RRM2: variants seen among roughly 807,000 people sequenced by gnomAD.
The protein encoded by RRM2 is ribonucleoside-diphosphate reductase subunit M2.
RRM2 carries 6 observed loss-of-function variants against 45.9 expected under a neutral mutation model. That is an observed-to-expected ratio of 0.13 (90% CI 0.07 to 0.26). The LOEUF is 0.26. Ranked by LOEUF, RRM2 falls within the 10% of genes least tolerant of loss-of-function variation. RRM2 has a pLI of 1.00. For synonymous variants in RRM2, 177 were observed against 173.0 expected, an observed-to-expected ratio of 1.02 and a Z score of -0.18; for missense variants, 343 against 489.5, an observed-to-expected ratio of 0.70 and a Z score of 2.82.
intron 3 of RRM2, among the ~76,000 whole-genome samples, chr2:10,152,083 G>C (rs1663322031): frequency 6.6e-6 from 1 of 151,990 alleles, no homozygotes; most frequent in South Asian, 2.1e-4. Context: ...CGAGTAGCTG[G>C]GACTACAGGC....
intron 3 of RRM2, among the ~76,000 whole-genome samples, chr2:10,193,767 G>A (rs1308710809): frequency 6.6e-6 from 1 of 152,230 alleles, no homozygotes; most frequent in African/African-American, 2.4e-5. Context: ...TCCCAGCAGA[G>A]CCGCAGCAGC....
chr2:10,174,555 G>C (rs957638796), intron 3 of RRM2, among the ~76,000 whole-genome samples: 1 of 141,172 alleles, frequency 7.1e-6, no homozygotes, highest in African/African-American at 2.7e-5. Context: ...AATGACTGTA[G>C]ACTACTGAAT....
At chr2:10,135,498 G>T (rs1662973192), downstream of RRM2, among the ~76,000 whole-genome samples, 1 of 152,124 alleles carries the variant, frequency 6.6e-6, no homozygotes, top group South Asian at 2.1e-4. Context: ...GAGGGGAGGG[G>T]CATGCGTGCG....
intron 3 of RRM2, chr2:10,142,475 GCC>G: frequency 8.3e-7 from 1 of 1,202,868 alleles, no homozygotes; most frequent in Non-Finnish European, 1.1e-6. Context: ...AGTGTACAGG[GCC>G]CCCACGCACC....
chr2:10,161,290 C>T (rs1037544954), intron 3 of RRM2, among the ~76,000 whole-genome samples: 12 of 152,198 alleles, frequency 7.9e-5, no homozygotes, highest in African/African-American at 1.9e-4. Context: ...AACTCCTGAG[C>T]TCAAGTGATC....
At position 10,195,144 on chromosome 2, in the gene RRM2, G is replaced by A. The variant is rs1333134390; in HGVS notation, n.483-15167G>A. ...GGTGAGGGCCACAGGTGTGGTCTGA[G>A]CTCCTGGGGAGCTACCGAGGGCAAC... On this transcript the variant is annotated intron_variant and non_coding_transcript_variant, in intron 3 of 3. Coordinates refer to the RRM2 transcript ENST00000381786. This position sits in a 1 kb window ranked among gnomAD's most constrained non-coding sequence, Gnocchi z 4.9. Among the ~76,000 whole-genome samples, 1 of 152,196 alleles carries A rather than the reference G, an allele frequency of 6.6e-6. No homozygotes were observed.
chr2:10,124,640 C>T lies in RRM2; in HGVS notation c.436-77C>T, dbSNP rs948357386. ...AAACCTTATAATGGTACAAAGAGTG[C>T]GATGCTGCCAGTATCCGTTGACAGT... is the stretch of plus-strand genomic sequence containing the variant. On this transcript the variant is annotated intron_variant, in intron 4 of 9. Transcript: ENST00000304567. 1.5e-5 allele frequency: 22 copies of T among 1,496,200 alleles called. 2 individuals are homozygous for T. Among genetic ancestry groups the T allele is most frequent in the South Asian group, 9.3e-5 (8 of 86,396 alleles). 92.7% of individuals were successfully genotyped at this position (1,496,200 alleles called of 1,614,324 possible). A position where few individuals can be genotyped will look rare whatever the true frequency, so the allele number is the denominator to read the frequency against.
chr2:10,123,989 T>C, intron 4 of RRM2, 137 bp downstream of exon 4: 1 of 676,586 alleles, frequency 1.5e-6, no homozygotes, highest in Non-Finnish European at 2.6e-6. Flanking sequence ...ACATGGCATT[T>C]CCTGTTTTGT....
exon 2 of RRM2, chr2:10,141,945 C>T (rs1295800967): frequency 6.3e-7 from 1 of 1,576,076 alleles, no homozygotes; most frequent in Non-Finnish European, 8.6e-7. Context: ...AATCACCCAC[C>T]CAGTGTGCGG....
chr2:10,142,796 C>A (rs1663113114), intron 3 of RRM2, among the ~76,000 whole-genome samples: 1 of 152,254 alleles, frequency 6.6e-6, no homozygotes. Flanking sequence ...AGCTCTCGGC[C>A]CTGCCTGAGC....
intron 3 of RRM2, among the ~76,000 whole-genome samples, chr2:10,152,089 C>T (rs1663322130): frequency 6.6e-6 from 1 of 152,076 alleles, no homozygotes; most frequent in Non-Finnish European, 1.5e-5. Flanking sequence ...GCTGGGACTA[C>T]AGGCGCCCGC....
At chr2:10,131,986 G>A (rs542524956), downstream of RRM2, among the ~76,000 whole-genome samples, 9 of 152,304 alleles carry the variant, frequency 5.9e-5, no homozygotes, top group South Asian at 1.0e-3. Context: ...TGGGGCTAGA[G>A]GTCTTCCCAG....
At position 10,169,427 on chromosome 2, in the gene RRM2, G is replaced by C. The variant is rs1049792343; in HGVS notation, n.482+27052G>C. Among the ~76,000 whole-genome samples the C allele has an allele frequency of 6.6e-6, 1 of 152,182 alleles. No homozygotes were observed. Among genetic ancestry groups the C allele is most frequent in the African/African-American group, 2.4e-5 (1 of 41,434 alleles). On this transcript the variant is annotated intron_variant and non_coding_transcript_variant, in intron 3 of 3. Transcript: ENST00000381786. The surrounding 1 kb of genome is among the most constrained non-coding windows in gnomAD (Gnocchi z 5.1). ...TTGTTCTAGAAAAGTGCTCATAGGC[G>C]CTGTGAAGGCCTTGATGTCCTCTGG...
chr2:10,156,591 T>G (rs1184188719), intron 3 of RRM2, among the ~76,000 whole-genome samples: 1 of 152,260 alleles, frequency 6.6e-6, no homozygotes, highest in East Asian at 1.9e-4. Flanking sequence ...ATGTTCATTA[T>G]TCTTTCATTC....
At chr2:10,175,599 AT>A (rs1211175785) in intron 3 of RRM2, among the ~76,000 whole-genome samples, 2 of 151,984 alleles carry the variant, frequency 1.3e-5, no homozygotes, top group African/African-American at 2.4e-5. Context: ...TTAAAAAAAA[AT>A]TTTATTTTAG....
At chr2:10,198,237 C>T (rs7587451) in intron 3 of RRM2, among the ~76,000 whole-genome samples, 5,885 of 152,254 alleles carry the variant, frequency 0.039, 382 homozygotes, top group African/African-American at 0.13. Context: ...ATAGGGCAGT[C>T]CTCCACTTCT....
At chr2:10,151,873 T>C (rs1247973279) in intron 3 of RRM2, among the ~76,000 whole-genome samples, 1 of 152,238 alleles carries the variant, frequency 6.6e-6, no homozygotes, top group Admixed American at 6.5e-5. Context: ...TGAGCCTTTT[T>C]AAATGTACTT....
intron 4 of RRM2, 76 bp downstream of exon 4, chr2:10,123,928 T>C: frequency 1.2e-6 from 1 of 852,076 alleles, no homozygotes; most frequent in Non-Finnish European, 2.0e-6. Flanking sequence ...CCTCGTCTTG[T>C]ATGTTTTTCC....
chr2:10,186,491 A>G (rs1255553019), intron 3 of RRM2, among the ~76,000 whole-genome samples: 8 of 151,092 alleles, frequency 5.3e-5, no homozygotes, highest in African/African-American at 1.5e-4. Flanking sequence ...AAGCAGATTC[A>G]TTCTTTTCCT....
Sources: allele counts gnomAD v4.1 joint callset (sites outside exome capture counted in the v4.1 genomes callset), GRCh38; gene constraint gnomAD v4.1.1; non-coding constraint Gnocchi (gnomAD v3.1); transcripts MANE v1.5; gene names NCBI Gene and HGNC (gene_info 2026-07-23, HGNC 2026-07-21).